Variants in HYDIN observed in about 807,000 individuals in gnomAD.
HYDIN encodes axonemal central pair apparatus protein HYDIN.
In HYDIN, 132 loss-of-function variants were observed where a neutral mutation model predicts 403.9. The ratio of observed to expected loss-of-function variants is 0.33; its 90% confidence interval spans 0.28 to 0.38. The LOEUF is 0.38. HYDIN is among the 10% of genes least tolerant of loss of function. The pLI is 1.00. For missense variants in HYDIN, 2,827 were observed against 5,009.5 expected, an observed-to-expected ratio of 0.56 and a Z score of 13.15; for synonymous variants, 1,202 against 1,891.7, an observed-to-expected ratio of 0.64 and a Z score of 9.46.
rs200845003 is a variant in HYDIN, at chr16:70,866,296, C to T, written c.11344G>A (p.Val3782Ile). 1.6e-3 allele frequency: 2,040 copies of T among 1,304,910 alleles called. 8 individuals are homozygous for T. The highest frequency in any genetic ancestry group is 6.6e-3 in the Middle Eastern group (35 of 5,300). 80.8% of individuals were successfully genotyped at this position (1,304,910 alleles called of 1,614,324 possible). ...AGTTCTTGGTAGTTTTCTTCTAGTA[C>T]TGAGTGAGCAGGTTCCGGATCCGTC... ...IETDPEPAHS[V>I]LEENYQELQL... is the part of the protein sequence containing the mutation. Residue 3782 changes from valine to isoleucine, a missense_variant, in exon 67 of 86, where the codon GTA becomes ATA. Val to Ile is a conservative substitution (Grantham distance 29). Transcript: ENST00000393567.
intron 18 of HYDIN, among the ~76,000 whole-genome samples, chr16:71,043,608 G>A (rs2081355772): frequency 1.3e-5 from 2 of 151,410 alleles, no homozygotes; most frequent in South Asian, 2.1e-4. Flanking sequence ...ATATCATTCT[G>A]CTCTTGTTCA....
intron 54 of HYDIN, 67 bp downstream of exon 54, chr16:70,895,914 T>G (rs572230173): frequency 2.3e-4 from 348 of 1,501,020 alleles, no homozygotes; most frequent in Non-Finnish European, 2.2e-4. Context: ...AGCCTTTCTC[T>G]ACACAGAAAT....
intron 39 of HYDIN, among the ~76,000 whole-genome samples, chr16:70,956,713 A>G (rs1186618000): frequency 6.6e-6 from 1 of 152,210 alleles, no homozygotes; most frequent in Non-Finnish European, 1.5e-5. Context: ...AGAAGAGACA[A>G]GGAAACGGAT....
At chr16:70,927,942 C>G (rs1464136369) in intron 45 of HYDIN, among the ~76,000 whole-genome samples, 2 of 149,954 alleles carry the variant, frequency 1.3e-5, no homozygotes, top group Non-Finnish European at 3.0e-5. Flanking sequence ...GCCAAAGAAC[C>G]TGTACCTAAA....
At position 70,806,707 on chromosome 16, in the gene HYDIN, C is replaced by T. The variant is rs575706987; in HGVS notation, c.*873G>A. On this transcript the variant is annotated 3_prime_UTR_variant, in exon 86 of 86. Coordinates refer to ENST00000393567, the MANE Select transcript of HYDIN (RefSeq NM_001270974.2). ...AGCAGGTAGAGGCAGGGGGACCCTCCGTCAGAGGTGTATGTCTGCAGAAGC... is the reference window on the plus strand; with the variant it reads ...AGCAGGTAGAGGCAGGGGGACCCTCTGTCAGAGGTGTATGTCTGCAGAAGC... Among the ~76,000 whole-genome samples, 3 of 152,254 alleles carry T rather than the reference C, an allele frequency of 2.0e-5. No homozygotes were observed. Among genetic ancestry groups the T allele is most frequent in the East Asian group, 1.9e-4 (1 of 5,186 alleles).
At chr16:70,863,209 G>C in intron 67 of HYDIN, 27 bp from the exon 68 acceptor site, 1 of 1,605,912 alleles carries the variant, frequency 6.2e-7, no homozygotes, top group Non-Finnish European at 8.5e-7. Flanking sequence ...GAGCAGATTT[G>C]AGAAATGTGC....
At chr16:70,863,225 G>A (rs1263083288) in intron 67 of HYDIN, 43 bp from the exon 68 acceptor site, 12 of 1,591,978 alleles carry the variant, frequency 7.5e-6, no homozygotes, top group Admixed American at 5.1e-5. Context: ...TGTGCTGCAG[G>A]TGGTTTTGGT....
intron 7 of HYDIN, among the ~76,000 whole-genome samples, chr16:71,152,244 T>A (rs1451359663): frequency 2.0e-5 from 3 of 151,944 alleles, no homozygotes; most frequent in South Asian, 2.1e-4. Flanking sequence ...TTTTTTTTTT[T>A]ATCTTGTGGA....
chr16:71,183,350 G>A (rs910641495), intron 3 of HYDIN, among the ~76,000 whole-genome samples: 1 of 151,956 alleles, frequency 6.6e-6, no homozygotes, highest in Non-Finnish European at 1.5e-5. Context: ...TAGAAGGGCA[G>A]ACAAAGAAGG....
At chr16:70,909,440 C>A (rs2076627784) in intron 47 of HYDIN, among the ~76,000 whole-genome samples, 1 of 151,314 alleles carries the variant, frequency 6.6e-6, no homozygotes, top group African/African-American at 2.4e-5. Flanking sequence ...AAAAAGAAAA[C>A]TTTAAGAGTT....
chr16:70,899,683 G>C (rs2143747387), intron 53 of HYDIN, among the ~76,000 whole-genome samples: 1 of 152,394 alleles, frequency 6.6e-6, no homozygotes, highest in Admixed American at 6.5e-5. Context: ...AGAAAGTAAA[G>C]AAAGAAGCAG....
intron 10 of HYDIN, among the ~76,000 whole-genome samples, chr16:71,094,863 CCACT>C (rs1285122505): frequency 1.3e-5 from 2 of 152,068 alleles, no homozygotes; most frequent in Non-Finnish European, 2.9e-5. Context: ...CCCATCAAGT[CCACT>C]CAGACTTACA....
intron 38 of HYDIN, among the ~76,000 whole-genome samples, chr16:70,961,485 C>T (rs1188433524): frequency 2.0e-5 from 3 of 152,158 alleles, no homozygotes; most frequent in African/African-American, 7.2e-5. Flanking sequence ...CCCCATGAAC[C>T]CAGTTTCACT....
chr16:71,219,955 C>G (rs964697458), intron 1 of HYDIN, among the ~76,000 whole-genome samples: 1 of 152,158 alleles, frequency 6.6e-6, no homozygotes, highest in Non-Finnish European at 1.5e-5. Flanking sequence ...ATGATGGTAA[C>G]TGTGGTTCAG....
chr16:71,053,516 A>G (rs1381414459), intron 18 of HYDIN, among the ~76,000 whole-genome samples: 2 of 151,844 alleles, frequency 1.3e-5, no homozygotes, highest in Admixed American at 6.6e-5. Flanking sequence ...ATTAACATGG[A>G]TAGATGTTGT....
chr16:71,230,716 CCACGGTAACCACGGAGCCG>C (rs2041250548), exon 1 of HYDIN: 4 of 1,535,842 alleles, frequency 2.6e-6, no homozygotes, highest in Non-Finnish European at 3.5e-6. Flanking sequence ...CCGTCCGTTG[CCACGGTAACCACGGAGCCG>C]CACAGCCTAG....
chr16:70,958,243 G>T lies in HYDIN; in HGVS notation c.6142+1404C>A, dbSNP rs563004536. On this transcript the variant is annotated intron_variant, in intron 39 of 85. Transcript: ENST00000393567. ...TTCTAACTTCACCATAAACAAAAGG[G>T]GAAAAATAACTTATATTGATCAGTC... Among the ~76,000 whole-genome samples, 6 of 151,502 alleles carry T rather than the reference G, an allele frequency of 4.0e-5. No individual in the cohort carries two copies. The South Asian group carries it at 1.3e-3, about 32-fold the overall frequency.
At chr16:71,095,297 GGTA>G (rs2083243607) in intron 10 of HYDIN, among the ~76,000 whole-genome samples, 1 of 151,318 alleles carries the variant, frequency 6.6e-6, no homozygotes, top group African/African-American at 2.4e-5. Context: ...TGTGTCTTTT[GGTA>G]TTGTGATCCA....
At chr16:70,964,325 T>G (rs1488475869) in intron 37 of HYDIN, among the ~76,000 whole-genome samples, 2 of 148,592 alleles carry the variant, frequency 1.3e-5, no homozygotes, top group Non-Finnish European at 1.5e-5. Flanking sequence ...TAGGAAGCAG[T>G]GGTTACCATC....
Sources: allele counts gnomAD v4.1 joint callset (sites outside exome capture counted in the v4.1 genomes callset), GRCh38; gene constraint gnomAD v4.1.1; transcripts MANE v1.5; gene names NCBI Gene and HGNC (gene_info 2026-07-23, HGNC 2026-07-21).